The following PRKN variants were observed in gnomAD, a reference collection of about 807,000 sequenced individuals.
PRKN encodes E3 ubiquitin-protein ligase parkin.
A neutral mutation model predicts 59.5 loss-of-function variants in PRKN; 56 were observed. The observed-to-expected ratio is 0.94, with a 90% CI of 0.76 to 1.18. PRKN has a LOEUF of 1.18. Ranked by LOEUF, PRKN falls within the 50% of genes most tolerant of loss-of-function variation. PRKN has a pLI of 0.00. For missense variants in PRKN, 657 were observed against 596.4 expected, an observed-to-expected ratio of 1.10 and a Z score of -1.06; for synonymous variants, 250 against 222.1, an observed-to-expected ratio of 1.13 and a Z score of -1.12.
intron 3 of PRKN, among the ~76,000 whole-genome samples, chr6:162,253,823 A>G (rs925966404): frequency 1.5e-4 from 22 of 143,598 alleles, no homozygotes; most frequent in African/African-American, 5.1e-4. Context: ...CTGGCTATTT[A>G]TCATCAAAAA....
At chr6:162,201,759 A>C (rs1301298904) in intron 3 of PRKN, among the ~76,000 whole-genome samples, 1 of 152,164 alleles carries the variant, frequency 6.6e-6, no homozygotes, top group Non-Finnish European at 1.5e-5. Context: ...ACTCACAGTC[A>C]CACATAAAAT....
intron 7 of PRKN, among the ~76,000 whole-genome samples, chr6:161,686,821 C>T (rs1461897910): frequency 2.0e-5 from 3 of 152,208 alleles, no homozygotes; most frequent in African/African-American, 7.2e-5. Context: ...AGGAAACTTT[C>T]TCCATTCCCC....
Position 162,633,431 on chromosome 6 carries a change from T to A in PRKN, c.7+94231A>T, listed in dbSNP as rs1242847072. 8.1e-4 allele frequency among the ~76,000 whole-genome samples: 8 copies of A among 9,834 alleles called. No individual in the cohort carries two copies. The African/African-American group carries it at 8.4e-3, about 10-fold the overall frequency. 6.5% of individuals were successfully genotyped at this position (9,834 alleles called of 152,430 possible). A position where few individuals can be genotyped will look rare whatever the true frequency, so the allele number is the denominator to read the frequency against. On this transcript the variant is annotated intron_variant, in intron 1 of 11. Transcript: ENST00000366898. ...GCCTAGGTGACAGAGCAAGACTGTCTCAAAAAAAAAAAAAAAAAAAAAAAA... is the reference window on the plus strand; with the variant it reads ...GCCTAGGTGACAGAGCAAGACTGTCACAAAAAAAAAAAAAAAAAAAAAAAA...
intron 1 of PRKN, among the ~76,000 whole-genome samples, chr6:162,658,424 G>A (rs1778739908): frequency 6.6e-6 from 1 of 152,154 alleles, no homozygotes; most frequent in Non-Finnish European, 1.5e-5. Flanking sequence ...CACTTTGGGA[G>A]ACCGACGCGG....
chr6:162,081,595 T>A (rs1205970811), intron 4 of PRKN, among the ~76,000 whole-genome samples: 1 of 152,106 alleles, frequency 6.6e-6, no homozygotes, highest in Non-Finnish European at 1.5e-5. Flanking sequence ...CATCTAGGCT[T>A]TGTTGTTCCA....
chr6:161,535,695 G>T (rs1036457550), intron 9 of PRKN, among the ~76,000 whole-genome samples: 5 of 152,156 alleles, frequency 3.3e-5, no homozygotes, highest in African/African-American at 1.2e-4. Context: ...AAAGAGACTG[G>T]GAATGTCCTC....
chr6:162,149,734 G>A (rs1782181869), intron 4 of PRKN, among the ~76,000 whole-genome samples: 1 of 152,082 alleles, frequency 6.6e-6, no homozygotes, highest in Non-Finnish European at 1.5e-5. Flanking sequence ...CCCGATCCTT[G>A]GGCTAGGAAT....
intron 1 of PRKN, among the ~76,000 whole-genome samples, chr6:162,538,895 T>A (rs1224436397): frequency 6.6e-6 from 1 of 152,178 alleles, no homozygotes; most frequent in African/African-American, 2.4e-5. Context: ...TATTTACTGA[T>A]AAAAAGCACA....
chr6:161,489,317 T>C (rs973645585), intron 9 of PRKN, among the ~76,000 whole-genome samples: 18 of 152,008 alleles, frequency 1.2e-4, no homozygotes, highest in Non-Finnish European at 2.9e-5. Context: ...CCCAGCACTT[T>C]GGGAGGCCGA....
intron 4 of PRKN, among the ~76,000 whole-genome samples, chr6:162,193,093 C>T (rs1784352316): frequency 6.6e-6 from 1 of 152,144 alleles, no homozygotes; most frequent in South Asian, 2.1e-4. Context: ...CAATGAAAGG[C>T]TAGCACTACT....
chr6:161,826,223 G>A (rs1766900492), intron 6 of PRKN, among the ~76,000 whole-genome samples: 1 of 151,702 alleles, frequency 6.6e-6, no homozygotes, highest in South Asian at 2.1e-4. Context: ...TTCAATACAA[G>A]GAATTAGAGA....
At chr6:162,646,491 C>T (rs1778192386) in intron 1 of PRKN, among the ~76,000 whole-genome samples, 1 of 151,644 alleles carries the variant, frequency 6.6e-6, no homozygotes, top group Non-Finnish European at 1.5e-5. Context: ...GATATGTTGC[C>T]CAGGCTGGTC....
At chr6:162,375,293 G>A (rs965490774) in intron 2 of PRKN, among the ~76,000 whole-genome samples, 1 of 151,702 alleles carries the variant, frequency 6.6e-6, no homozygotes, top group Non-Finnish European at 1.5e-5. Flanking sequence ...CCACAGTGAT[G>A]AGTAACCAGG....
intron 4 of PRKN, among the ~76,000 whole-genome samples, chr6:162,159,344 C>G (rs146348688): frequency 6.6e-6 from 1 of 152,266 alleles, no homozygotes; most frequent in Admixed American, 6.5e-5. Context: ...TAGCAACACA[C>G]ACTTGGCAAT....
At chr6:161,865,183 C>G (rs1794064625) in intron 6 of PRKN, among the ~76,000 whole-genome samples, 1 of 152,092 alleles carries the variant, frequency 6.6e-6, no homozygotes, top group South Asian at 2.1e-4. Context: ...TGAAAGGAAC[C>G]CTTCTTTCTG....
At position 161,885,496 on chromosome 6, in the gene PRKN, C is replaced by T. The variant is rs569536190; in HGVS notation, c.734+87806G>A. On this transcript the variant is annotated intron_variant, in intron 6 of 11. Transcript: ENST00000366898. Reference sequence around the variant, plus strand: ...TGGCTAACACAGTGAAACCCCGTCTCTACTAAAAATACAAAAAAATTAGCC... The same window carrying T: ...TGGCTAACACAGTGAAACCCCGTCTTTACTAAAAATACAAAAAAATTAGCC... Among the ~76,000 whole-genome samples, 158 of 152,122 alleles carry T rather than the reference C, an allele frequency of 1.0e-3. No individual in the cohort carries two copies. The South Asian group carries it at 0.011, about 11-fold the overall frequency.
intron 7 of PRKN, among the ~76,000 whole-genome samples, chr6:161,632,693 A>T (rs1030280753): frequency 1.1e-4 from 16 of 152,240 alleles, no homozygotes; most frequent in African/African-American, 3.9e-4. Flanking sequence ...ATTTATTCAC[A>T]GTTCCACAGC....
In PRKN at chr6:161,475,439, C is replaced by A. The variant is rs756360933; in HGVS notation, c.1083+73415G>T. 5.3e-5 allele frequency among the ~76,000 whole-genome samples: 8 copies of A among 152,202 alleles called. No individual in the cohort carries two copies. The highest frequency in any genetic ancestry group is 1.2e-4 in the Non-Finnish European group (8 of 68,032). The stretch of plus-strand genomic sequence containing the variant: ...AAAAATGTTCTTTGCACTGGTATTT[C>A]TTTAAACAATAAAGTTTTACTTTAA... On this transcript the variant is annotated intron_variant, in intron 9 of 11. Coordinates refer to ENST00000366898, the MANE Select transcript of PRKN (RefSeq NM_004562.3). This position sits in a 1 kb window ranked among gnomAD's most constrained non-coding sequence, Gnocchi z 5.3.
intron 2 of PRKN, among the ~76,000 whole-genome samples, chr6:162,364,208 G>T (rs1785299027): frequency 6.6e-6 from 1 of 152,058 alleles, no homozygotes; most frequent in South Asian, 2.1e-4. Context: ...ATAAATAACT[G>T]GTATTCAATG....
Sources: gnomAD v4.1 joint callset for allele counts (sites outside exome capture counted in the v4.1 genomes callset) on GRCh38, gnomAD v4.1.1 for gene constraint, Gnocchi (gnomAD v3.1) non-coding constraint, MANE v1.5 for transcripts, NCBI Gene and HGNC (gene_info 2026-07-23, HGNC 2026-07-21) for gene names.